Variants in COLEC11 observed in about 807,000 individuals in gnomAD.
COLEC11 encodes the protein collectin-11.
A neutral mutation model predicts 27.3 loss-of-function variants in COLEC11; 20 were observed. The observed-to-expected ratio is 0.73, with a 90% CI of 0.51 to 1.06. The LOEUF is 1.06. COLEC11 is among the 50% of genes least tolerant of loss of function. The pLI, the probability that COLEC11 is intolerant of heterozygous loss-of-function variation, is 0.00. For missense variants in COLEC11, 310 were observed against 383.0 expected (o/e 0.81, Z 1.59); for synonymous variants, 163 against 154.7 (o/e 1.05, Z -0.40).
chr2:3,615,118 T>TTTC (rs397795219), intron 3 of COLEC11, among the ~76,000 whole-genome samples: 3,538 of 97,824 alleles, frequency 0.036, 147 homozygotes, highest in African/African-American at 0.1. Flanking sequence ...CTTTTTTTTT[T>TTTC]AAAGGGATTT....
rs933294273 is a variant in COLEC11, at chr2:3,644,410, T to A, written c.*292T>A. On this transcript the variant is annotated 3_prime_UTR_variant, in exon 7 of 7. Transcript: ENST00000349077. ...CTCTTCCATAAAGCTTGTGCCTTTG[T>A]CCAAGCTATACAATAAAATCTTTAA... 8 of 605,736 alleles carry A rather than the reference T, an allele frequency of 1.3e-5. No individual in the cohort carries two copies. The Admixed American group carries it at 1.7e-4, about 13-fold the overall frequency. The allele number at this position is 605,736 out of a possible 1,614,324, so 37.5% of individuals were successfully genotyped here.
chr2:3,635,552 C>G (rs1287287217), intron 3 of COLEC11, among the ~76,000 whole-genome samples: 1 of 152,204 alleles, frequency 6.6e-6, no homozygotes, highest in Non-Finnish European at 1.5e-5. Flanking sequence ...TCCCCGTTGC[C>G]CCTTTTCTAT....
rs1664650522 is a variant in COLEC11, at chr2:3,627,539, GCTGGGCATGACA to G, written c.203-9983_203-9972del. Among the ~76,000 whole-genome samples the G allele has an allele frequency of 5.3e-5, 8 of 151,608 alleles. No homozygotes were observed. The South Asian group carries it at 1.7e-3, about 32-fold the overall frequency. ...TAACGGTAGATCGGGGCATGATGATGCTGGGCATGACACTGGGCATGATGACGGTCTGCATCT... is the reference window on the plus strand; with the variant it reads ...TAACGGTAGATCGGGGCATGATGATGCTGGGCATGATGACGGTCTGCATCT... On this transcript the variant is annotated intron_variant, in intron 3 of 6. Transcript: ENST00000349077.
At chr2:3,641,220 A>G in intron 5 of COLEC11, 1 of 1,304,102 alleles carries the variant, frequency 7.7e-7, no homozygotes, top group Non-Finnish European at 1.0e-6. Flanking sequence ...ATTTCTGAAT[A>G]AAAGTCCTTG....
At chr2:3,627,365 C>T (rs1319494682) in intron 3 of COLEC11, among the ~76,000 whole-genome samples, 1 of 110,378 alleles carries the variant, frequency 9.1e-6, no homozygotes, top group East Asian at 2.1e-4. Context: ...TGATGCTGGG[C>T]AAGATGATGG....
intron 1 of COLEC11, 34 bp downstream of exon 1, chr2:3,595,202 T>A (rs1572369574): frequency 3.2e-6 from 1 of 310,396 alleles, no homozygotes; most frequent in African/African-American, 2.2e-5. Flanking sequence ...CAGCTGAGGG[T>A]TTCACGGGGC....
chr2:3,642,679 G>A (rs972879965), intron 5 of COLEC11, among the ~76,000 whole-genome samples: 9 of 152,166 alleles, frequency 5.9e-5, no homozygotes, highest in Non-Finnish European at 7.3e-5. Flanking sequence ...CATTCCTGCC[G>A]CATCATCCAG....
At chr2:3,632,160 G>A (rs1483793918) in intron 3 of COLEC11, among the ~76,000 whole-genome samples, 1 of 152,240 alleles carries the variant, frequency 6.6e-6, no homozygotes, top group Non-Finnish European at 1.5e-5. Context: ...ACAGAGGGCT[G>A]TAACTTGTGC....
intron 1 of COLEC11, among the ~76,000 whole-genome samples, chr2:3,597,015 T>A (rs1464994096): frequency 6.6e-6 from 1 of 152,198 alleles, no homozygotes; most frequent in East Asian, 1.9e-4. Context: ...CGCAGGAAAG[T>A]GGACAGAAAC....
In COLEC11 at chr2:3,607,901, A is replaced by G. The variant is rs367710002; in HGVS notation, c.130+3431A>G. Reference sequence around the variant, plus strand: ...CGTCTCCCCTTGTGTAGAACAAGCCAGGCAGGCTGAGGTCCTGGCTTTCTC... The same window carrying G: ...CGTCTCCCCTTGTGTAGAACAAGCCGGGCAGGCTGAGGTCCTGGCTTTCTC... On this transcript the variant is annotated intron_variant, in intron 2 of 6. Transcript: ENST00000349077. 3.9e-3 allele frequency among the ~76,000 whole-genome samples: 600 copies of G among 152,328 alleles called. 6 individuals carry two copies. The highest frequency in any genetic ancestry group is 0.021 in the South Asian group (102 of 4,826).
intron 3 of COLEC11, among the ~76,000 whole-genome samples, chr2:3,627,816 G>A (rs926035317): frequency 1.3e-5 from 2 of 151,814 alleles, no homozygotes; most frequent in African/African-American, 4.9e-5. Context: ...TGCTGCACAC[G>A]ATGATGCTGG....
At chr2:3,618,446 T>C (rs973644021) in intron 3 of COLEC11, among the ~76,000 whole-genome samples, 2 of 152,248 alleles carry the variant, frequency 1.3e-5, no homozygotes, top group African/African-American at 4.8e-5. Context: ...GTGAATTCTT[T>C]GTGCCTTTGT....
intron 3 of COLEC11, among the ~76,000 whole-genome samples, chr2:3,630,308 T>G (rs1314421495): frequency 1.3e-5 from 2 of 152,216 alleles, no homozygotes; most frequent in Non-Finnish European, 2.9e-5. Context: ...ATATAATGTG[T>G]GAGGGGACTT....
rs566349929 is a variant in COLEC11, at chr2:3,595,303, A to G, written c.-27+135A>G. 3.2e-5 allele frequency: 6 copies of G among 185,334 alleles called. No individual in the cohort carries two copies. In the East Asian group the frequency reaches 8.7e-4, roughly 27 times the overall value. The allele number at this position is 185,334 out of a possible 1,614,324, so 11.5% of individuals were successfully genotyped here. On this transcript the variant is annotated intron_variant, in intron 1 of 6. Coordinates refer to ENST00000349077, the MANE Select transcript of COLEC11 (RefSeq NM_024027.5). The stretch of plus-strand genomic sequence containing the variant: ...GAGGAGGATGGGAATCTGTCCCTAG[A>G]TCCAGGCAAAAGATTGAGTCTCAAT...
At chr2:3,610,521 C>T (rs1280643230) in intron 2 of COLEC11, among the ~76,000 whole-genome samples, 2 of 152,188 alleles carry the variant, frequency 1.3e-5, no homozygotes, top group South Asian at 4.1e-4. Flanking sequence ...TTCTTCCGCC[C>T]TCATCTCAGC....
Position 3,640,316 on chromosome 2 carries a change from C to T in COLEC11, c.313C>T (p.Pro105Ser). The change falls in exon 5 of 7, where the codon CCT becomes TCT. Residue 105 changes from proline (P) to serine (S), a missense_variant. Pro to Ser is a moderately conservative substitution (Grantham distance 74). Transcript: ENST00000349077. ...TTCCGGTGACATAGGACCCCCTGGTCCTAATGGAGAACCAGGTATGGCATA... is the reference window on the plus strand; with the variant it reads ...TTCCGGTGACATAGGACCCCCTGGTTCTAATGGAGAACCAGGTATGGCATA... Reference protein sequence around the residue: ...GDSGDIGPPGPNGEPGLPCEC... With the variant: ...GDSGDIGPPGSNGEPGLPCEC... The T allele has an allele frequency of 6.3e-7, 1 of 1,593,712 alleles. No homozygotes were observed. Among genetic ancestry groups the T allele is most frequent in the Non-Finnish European group, 8.6e-7 (1 of 1,161,550 alleles).
chr2:3,613,605 T>C (rs1472360261), intron 3 of COLEC11, among the ~76,000 whole-genome samples: 2 of 152,186 alleles, frequency 1.3e-5, no homozygotes, highest in Non-Finnish European at 2.9e-5. Flanking sequence ...GGAAAGAAAG[T>C]GTGTCCTGGA....
At chr2:3,622,702 T>G (rs1328543949) in intron 3 of COLEC11, among the ~76,000 whole-genome samples, 2 of 152,238 alleles carry the variant, frequency 1.3e-5, no homozygotes, top group African/African-American at 2.4e-5. Context: ...GCCTCCTTAC[T>G]GTGTGATGCC....
In COLEC11 at chr2:3,613,368, C is replaced by G; in HGVS notation, c.188C>G (p.Pro63Arg). 2 of 1,602,328 alleles carry G rather than the reference C, an allele frequency of 1.2e-6. No homozygotes were observed. Among genetic ancestry groups the G allele is most frequent in the South Asian group, 1.1e-5 (1 of 88,918 alleles). ...GAPGRPGRVG[P>R]TGEKGDMGDK... ...CCCGGACGGCCTGGAAGAGTCGGCC[C>G]CACGGGAGAAAAAGGTACCTGCAGC... Residue 63 changes from proline to arginine, a missense_variant, in exon 3 of 7, where the codon CCC (proline) becomes CGC (arginine). Pro to Arg is a moderately radical substitution (Grantham distance 103). Transcript: ENST00000349077.
Sources: gnomAD v4.1 joint callset for allele counts (sites outside exome capture counted in the v4.1 genomes callset) on GRCh38, gnomAD v4.1.1 for gene constraint, MANE v1.5 for transcripts, NCBI Gene and HGNC (gene_info 2026-07-23, HGNC 2026-07-21) for gene names.